PHF14: variants seen among roughly 807,000 people sequenced by gnomAD.
PHF14 encodes the protein PHD finger protein 14.
A neutral mutation model predicts 117.9 loss-of-function variants in PHF14; 55 were observed. That is an observed-to-expected ratio of 0.47 (90% CI 0.38 to 0.58). PHF14 has a LOEUF of 0.58. PHF14 is among the 20% of genes least tolerant of loss of function. The pLI is 0.00. For synonymous variants in PHF14, 409 were observed against 368.6 expected, an observed-to-expected ratio of 1.11 and a Z score of -1.26; for missense variants, 978 against 1,122.2, an observed-to-expected ratio of 0.87 and a Z score of 1.84.
intron 4 of PHF14, 49 bp downstream of exon 4, chr7:10,990,896 C>G (rs375942822): frequency 5.7e-6 from 8 of 1,398,192 alleles, no homozygotes; most frequent in African/African-American, 2.9e-5. Context: ...GACTGTGGCT[C>G]TTTTACATTT....
At chr7:11,087,294 C>T (rs759041102) in intron 16 of PHF14, among the ~76,000 whole-genome samples, 6 of 151,880 alleles carry the variant, frequency 4.0e-5, no homozygotes, top group Admixed American at 2.6e-4. Flanking sequence ...TGGGTTCAAG[C>T]GATTTTTCTG....
At chr7:11,052,978 C>G (rs572457228) in intron 14 of PHF14, among the ~76,000 whole-genome samples, 14 of 152,228 alleles carry the variant, frequency 9.2e-5, no homozygotes, top group Admixed American at 3.9e-4. Flanking sequence ...GTGTAAATTT[C>G]AAACCTTTAA....
chr7:11,149,681 G>A (rs577253587), intron 17 of PHF14, among the ~76,000 whole-genome samples: 2 of 152,200 alleles, frequency 1.3e-5, no homozygotes, highest in East Asian at 3.9e-4. Context: ...ATAAAAGAAT[G>A]CTGATACAGA....
chr7:11,004,246 CAA>C (rs55917513), intron 4 of PHF14, among the ~76,000 whole-genome samples: 100 of 51,282 alleles, frequency 1.9e-3, no homozygotes, highest in African/African-American at 6.8e-3. Context: ...GACTTTGTCT[CAA>C]AAAAAAAAAA....
chr7:11,041,427 T>TGC (rs942910609), intron 12 of PHF14, among the ~76,000 whole-genome samples: 79 of 150,920 alleles, frequency 5.2e-4, no homozygotes, highest in East Asian at 1.2e-3. Context: ...GGTGTTTTTG[T>TGC]GTGTGTGTGT....
At chr7:10,990,890 G>C in intron 4 of PHF14, 43 bp downstream of exon 4, 1 of 1,459,766 alleles carries the variant, frequency 6.9e-7, no homozygotes, top group Non-Finnish European at 9.3e-7. Flanking sequence ...ATGGCTGACT[G>C]TGGCTCTTTT....
At chr7:10,982,207 T>A (rs1430975231) in intron 2 of PHF14, among the ~76,000 whole-genome samples, 165 bp from the exon 3 acceptor site, 2 of 152,220 alleles carry the variant, frequency 1.3e-5, no homozygotes, top group Non-Finnish European at 1.5e-5. Flanking sequence ...ATTGATTTAT[T>A]ATTTGATCAG....
At chr7:11,143,053 G>A (rs1416063644) in intron 17 of PHF14, among the ~76,000 whole-genome samples, 2 of 152,004 alleles carry the variant, frequency 1.3e-5, no homozygotes, top group Non-Finnish European at 1.5e-5. Flanking sequence ...GGAATATAAA[G>A]CATTTTAGTT....
At chr7:11,003,194 C>T (rs1248451445) in intron 4 of PHF14, among the ~76,000 whole-genome samples, 4 of 152,236 alleles carry the variant, frequency 2.6e-5, no homozygotes, top group Admixed American at 2.0e-4. Flanking sequence ...CCGCCTTGGC[C>T]TCCCAAAGTG....
intron 16 of PHF14, chr7:11,110,304 T>C (rs1317288850): frequency 6.6e-6 from 1 of 152,218 alleles, no homozygotes; most frequent in East Asian, 1.9e-4. Flanking sequence ...TTTGAAGTTT[T>C]AAATCAGTGA....
At chr7:11,076,506 C>T (rs1286796982) in intron 16 of PHF14, among the ~76,000 whole-genome samples, 4 of 150,508 alleles carry the variant, frequency 2.7e-5, no homozygotes, top group East Asian at 1.9e-4. Context: ...TGAAGACCAT[C>T]GCACAGATTG....
chr7:11,069,145 T>G (rs375126190), intron 16 of PHF14, among the ~76,000 whole-genome samples: 423 of 152,234 alleles, frequency 2.8e-3, no homozygotes, highest in African/African-American at 9.8e-3. Flanking sequence ...TCCTGAGTAT[T>G]ACATTGTTTC....
rs537685712 is a variant in PHF14 at position 11,165,374 on chromosome 7, T to C, written c.2773-4042T>C. Among the ~76,000 whole-genome samples the C allele has an allele frequency of 9.2e-5, 14 of 152,318 alleles. No individual in the cohort carries two copies. In the South Asian group the frequency reaches 2.5e-3, roughly 27 times the overall value. On this transcript the variant is annotated intron_variant, in intron 17 of 17. Coordinates refer to ENST00000634607, the MANE Select transcript of PHF14 (RefSeq NM_001007157.2). ...TTAATACATCGTATCAGGGTGTTAA[T>C]ATATATTATTGGTGATATTAACCTT...
intron 16 of PHF14, among the ~76,000 whole-genome samples, chr7:11,096,846 T>A (rs1300043746): frequency 3.9e-5 from 6 of 152,132 alleles, no homozygotes; most frequent in Non-Finnish European, 7.4e-5. Context: ...TTCTGGAATT[T>A]TGACTTATCA....
chr7:11,091,384 A>G (rs1194368647), intron 16 of PHF14, among the ~76,000 whole-genome samples: 1 of 152,214 alleles, frequency 6.6e-6, no homozygotes, highest in Non-Finnish European at 1.5e-5. Context: ...GAAAAATATA[A>G]TAGGTGAATA....
chr7:11,001,845 G>T (rs1014344014), intron 4 of PHF14, among the ~76,000 whole-genome samples: 1 of 152,228 alleles, frequency 6.6e-6, no homozygotes, highest in East Asian at 1.9e-4. Flanking sequence ...TTTCCAGTGT[G>T]TATATTTTTG....
At chr7:11,160,994 G>A (rs1789008395) in intron 17 of PHF14, among the ~76,000 whole-genome samples, 1 of 152,064 alleles carries the variant, frequency 6.6e-6, no homozygotes, top group Admixed American at 6.6e-5. Flanking sequence ...TCCACAGGCA[G>A]ATGTCCAGAA....
intron 6 of PHF14, among the ~76,000 whole-genome samples, chr7:11,025,672 G>A (rs565141375): frequency 3.9e-5 from 6 of 152,142 alleles, no homozygotes; most frequent in Admixed American, 2.0e-4. Flanking sequence ...GCAGGTGCCT[G>A]TAGTCTCAGC....
chr7:11,166,470 T>A (rs1295329206), intron 17 of PHF14, among the ~76,000 whole-genome samples: 1 of 152,182 alleles, frequency 6.6e-6, no homozygotes, highest in Non-Finnish European at 1.5e-5. Context: ...TTATTTGCTG[T>A]CTGAGTTACT....
Sources: allele counts gnomAD v4.1 joint callset (sites outside exome capture counted in the v4.1 genomes callset), GRCh38; gene constraint gnomAD v4.1.1; transcripts MANE v1.5; gene names NCBI Gene and HGNC (gene_info 2026-07-23, HGNC 2026-07-21).